TRIOBP: variants seen among roughly 807,000 people sequenced by gnomAD.
TRIOBP encodes TRIO and F-actin-binding protein.
A neutral mutation model predicts 238.8 loss-of-function variants in TRIOBP; 169 were observed. That is an observed-to-expected ratio of 0.71 (90% CI 0.62 to 0.80). The LOEUF (loss-of-function observed/expected upper bound fraction) is 0.80, where lower values mean the gene tolerates loss of function less well. TRIOBP is among the 30% of genes least tolerant of loss of function. TRIOBP has a pLI of 0.00. For missense variants in TRIOBP, 2,838 were observed against 3,122.6 expected (o/e 0.91, Z 2.17); for synonymous variants, 1,150 against 1,274.4 (o/e 0.90, Z 2.08).
In TRIOBP at chr22:37,757,786, C is replaced by T. The variant is rs1232688851; in HGVS notation, c.5861C>T (p.Ala1954Val). ...GTGGAGCTCTCGCCGCTGACCCAGG[C>T]TTCCCCGCAGCGGGCCCGCACCCCA... ...DYVELSPLTQ[A>V]SPQRARTPAR... Residue 1954 changes from alanine (A) to valine (V), a missense_variant, in exon 16 of 24, where the codon GCT (alanine) becomes GTT (valine). By Grantham distance (64) the Ala-to-Val change is moderately conservative (BLOSUM62 0). Around this residue, in one of 5 missense-constraint regions of TRIOBP, gnomAD observed 2,096 missense variants for 2,137.4 expected, o/e 0.98. Coordinates refer to ENST00000644935, the MANE Select transcript of TRIOBP (RefSeq NM_001039141.3). The T allele has an allele frequency of 2.6e-6, 4 of 1,549,384 alleles. No homozygotes were observed. In the East Asian group the frequency reaches 9.7e-5, roughly 38 times the overall value.
intron 2 of TRIOBP, 88 bp from the exon 3 acceptor site, chr22:37,701,218 T>C (rs1237858788): frequency 2.9e-6 from 2 of 678,780 alleles, no homozygotes; most frequent in Admixed American, 2.1e-5. Context: ...TCCTTGGTCC[T>C]TGTCTGGAAA....
chr22:37,723,103 G>A, intron 6 of TRIOBP, 82 bp from the exon 7 acceptor site: 1 of 1,462,238 alleles, frequency 6.8e-7, no homozygotes, highest in Non-Finnish European at 9.4e-7. Context: ...CTAATCACTG[G>A]TCCTAAGGGA....
intron 5 of TRIOBP, among the ~76,000 whole-genome samples, chr22:37,714,962 T>A (rs941626663): frequency 5.3e-5 from 8 of 152,206 alleles, no homozygotes; most frequent in African/African-American, 1.7e-4. Flanking sequence ...CCACTCACTG[T>A]CACCTCTTGG....
chr22:37,723,260 G>C lies in TRIOBP; in HGVS notation c.704G>C (p.Arg235Pro). The change falls in exon 7 of 24, where the codon CGG becomes CCG. Residue 235 changes from arginine to proline, a missense_variant. Physicochemically the swap from Arg to Pro is moderately radical, Grantham distance 103. This residue lies in a region of TRIOBP where 535 missense variants were observed against 537.3 expected (regional missense o/e 1.00). Transcript: ENST00000644935. ...LRGESGLSLE[R>P]HRSTLTQASS... ...GGAGAAAGCGGGTTGTCCCTGGAGC[G>C]GCACCGGTCAACACTGACCCAGGCT... 1.2e-6 allele frequency: 2 copies of C among 1,614,022 alleles called. No homozygotes were observed. Among genetic ancestry groups the C allele is most frequent in the East Asian group, 4.5e-5 (2 of 44,874 alleles).
chr22:37,711,606 A>C (rs13054237), intron 4 of TRIOBP, among the ~76,000 whole-genome samples: 77 of 151,600 alleles, frequency 5.1e-4, no homozygotes, highest in African/African-American at 1.7e-3. Flanking sequence ...CAAAAAAAAA[A>C]AACAAAAAAA....
intron 11 of TRIOBP, among the ~76,000 whole-genome samples, chr22:37,745,054 G>A (rs566911908): frequency 1.3e-5 from 2 of 151,798 alleles, no homozygotes; most frequent in South Asian, 2.1e-4. Context: ...TAGTAGAGAC[G>A]GGGTTTCACC....
At chr22:37,740,329 C>T (rs1924872231) in intron 10 of TRIOBP, among the ~76,000 whole-genome samples, 1 of 152,188 alleles carries the variant, frequency 6.6e-6, no homozygotes, top group Admixed American at 6.5e-5. Context: ...TTTGGGGGCT[C>T]TGCTAGGAAT....
chr22:37,727,183 A>G (rs1418200457), intron 7 of TRIOBP, among the ~76,000 whole-genome samples: 1 of 150,576 alleles, frequency 6.6e-6, no homozygotes, highest in Non-Finnish European at 1.5e-5. Context: ...TGCTAGGATT[A>G]CAGGAGTGAG....
At chr22:37,771,811 C>CT in intron 22 of TRIOBP, 75 bp downstream of exon 22, 13 of 1,333,582 alleles carry the variant, frequency 9.7e-6, no homozygotes, top group Non-Finnish European at 1.3e-5. Flanking sequence ...AGCACCTGCT[C>CT]TGTGCCAAGC....
At chr22:37,728,028 A>G (rs574159964) in intron 7 of TRIOBP, among the ~76,000 whole-genome samples, 1 of 152,326 alleles carries the variant, frequency 6.6e-6, no homozygotes, top group East Asian at 1.9e-4. Context: ...CATTGCCACA[A>G]TCTAACTTTA....
intron 17 of TRIOBP, chr22:37,759,506 A>C (rs779720940): frequency 2.2e-5 from 35 of 1,605,232 alleles, no homozygotes; most frequent in Non-Finnish European, 2.8e-5. Context: ...CCCCGCCTGC[A>C]GGTCTCAAAG....
Position 37,713,190 on chromosome 22 carries a change from G to A in TRIOBP, c.255-20G>A. 1.2e-6 allele frequency: 2 copies of A among 1,605,936 alleles called. No homozygotes were observed. The highest frequency in any genetic ancestry group is 4.5e-5 in the East Asian group (2 of 44,610). ...TGCTCCTAACTCCCCATTACTTTTT[G>A]GGTCTGTCTCCTCTCCCAGGGGCCC... On this transcript the variant is annotated intron_variant, in intron 4 of 23. Transcript: ENST00000644935.
Position 37,715,784 on chromosome 22 carries a change from C to CAGG in TRIOBP, c.488_490dup (p.Glu163dup), listed in dbSNP as rs1263650263. 2.5e-6 allele frequency: 4 copies of CAGG among 1,613,892 alleles called. No homozygotes were observed. In the Admixed American group the frequency reaches 5.0e-5, roughly 20 times the overall value. On this transcript the variant is annotated inframe_insertion, in exon 6 of 24. Transcript: ENST00000644935. ...GCAGGACTGGGACACTGTTGAGAGG[C>CAGG]AGGAGGAGGAGGCCCCCAGCTGGGA...
intron 1 of TRIOBP, among the ~76,000 whole-genome samples, chr22:37,697,356 C>T (rs1028845129): frequency 2.0e-5 from 3 of 152,150 alleles, no homozygotes; most frequent in Non-Finnish European, 4.4e-5. Flanking sequence ...GCCCCCTACC[C>T]ACCCCCAGGA....
chr22:37,744,173 T>C (rs1601646560), intron 11 of TRIOBP, among the ~76,000 whole-genome samples: 1 of 151,840 alleles, frequency 6.6e-6, no homozygotes, highest in East Asian at 1.9e-4. Context: ...CACGCCCGGC[T>C]AATTTTTTGT....
At position 37,735,211 on chromosome 22, in the gene TRIOBP, G is replaced by C; in HGVS notation, c.4875G>C (p.Glu1625Asp). Residue 1625 changes from glutamate (E) to aspartate (D), a missense_variant, in exon 9 of 24, where the codon GAG becomes GAC. Physicochemically the swap from Glu to Asp is conservative, Grantham distance 45. This residue lies in a region of TRIOBP where 2,096 missense variants were observed against 2,137.4 expected (regional missense o/e 0.98). Transcript: ENST00000644935. ...GCACAAACGATGTCCCTGAGCAGGAGTCACACAGCCAGCCAGAAGGCTGGG... is the reference window on the plus strand; with the variant it reads ...GCACAAACGATGTCCCTGAGCAGGACTCACACAGCCAGCCAGAAGGCTGGG... ...PPGTNDVPEQ[E>D]SHSQPEGWAE... is the part of the protein sequence containing the mutation. 6.2e-7 allele frequency: 1 copy of C among 1,607,844 alleles called. No homozygotes were observed.
intron 16 of TRIOBP, among the ~76,000 whole-genome samples, chr22:37,758,599 C>T (rs1395609080): frequency 6.6e-6 from 1 of 151,962 alleles, no homozygotes; most frequent in Non-Finnish European, 1.5e-5. Flanking sequence ...TGGCTGGAGC[C>T]CGGGAGGCAG....
intron 9 of TRIOBP, among the ~76,000 whole-genome samples, chr22:37,738,145 G>A (rs1924763568): frequency 6.6e-6 from 1 of 152,222 alleles, no homozygotes; most frequent in Non-Finnish European, 1.5e-5. Context: ...ATGGATCAAT[G>A]ATGCATGTTG....
intron 7 of TRIOBP, among the ~76,000 whole-genome samples, chr22:37,727,890 G>A (rs958545386): frequency 5.3e-5 from 8 of 152,106 alleles, no homozygotes; most frequent in African/African-American, 1.9e-4. Flanking sequence ...GAGTTTTCAA[G>A]AATCAGAGCT....
Sources: allele counts gnomAD v4.1 joint callset (sites outside exome capture counted in the v4.1 genomes callset), GRCh38; gene constraint gnomAD v4.1.1; regional missense constraint gnomAD v4.1.1; transcripts MANE v1.5; gene names NCBI Gene and HGNC (gene_info 2026-07-23, HGNC 2026-07-21).